The following MPP2 variants were observed in gnomAD, a reference collection of about 807,000 sequenced individuals.
MPP2 encodes MAGUK p55 subfamily member 2.
Under a neutral mutation model 58.5 loss-of-function variants are expected in MPP2, and 42 were observed. The ratio of observed to expected loss-of-function variants is 0.72; its 90% CI spans 0.56 to 0.93. The LOEUF (loss-of-function observed/expected upper bound fraction) is 0.93. Ranked by LOEUF, MPP2 falls within the 40% of genes least tolerant of loss-of-function variation. The pLI is 0.00. For missense variants in MPP2, 632 were observed against 760.4 expected, an observed-to-expected ratio of 0.83 and a Z score of 1.99; for synonymous variants, 300 against 307.8, an observed-to-expected ratio of 0.97 and a Z score of 0.26.
chr17:43,881,423 A>G, intron 7 of MPP2, 35 bp downstream of exon 7: 1 of 1,613,990 alleles, frequency 6.2e-7, no homozygotes, highest in South Asian at 1.1e-5. Context: ...CCCATGCACC[A>G]TACCTGGAGA....
At chr17:43,907,610 G>A (rs2048344803), upstream of MPP2, 1 of 985,632 alleles carries the variant, frequency 1.0e-6, no homozygotes, top group Non-Finnish European at 1.2e-6. Context: ...GGAGGAGAGG[G>A]GAGGTGAGGA....
At chr17:43,883,950 G>A (rs2047257376) in intron 3 of MPP2, 2 of 574,774 alleles carry the variant, frequency 3.5e-6, no homozygotes, top group Non-Finnish European at 6.1e-6. Flanking sequence ...TCCTTCGCCA[G>A]TGACCAGCCC....
At position 43,879,228 on chromosome 17, in the gene MPP2, A is replaced by C; in HGVS notation, c.1482+47T>G. On this transcript the variant is annotated intron_variant, in intron 12 of 12. Transcript: ENST00000269095. The surrounding 1 kb of genome is among the most constrained non-coding windows in gnomAD (Gnocchi z 4.1). ...TGTCAGCTCAGGCCTGTCCCCCACC[A>C]CCCTAGGCAGCTATCAGACCCCTCC... 1 of 1,572,798 alleles carries C rather than the reference A, an allele frequency of 6.4e-7. No individual in the cohort carries two copies. Among genetic ancestry groups the C allele is most frequent in the Non-Finnish European group, 8.7e-7 (1 of 1,153,968 alleles).
rs1257673002 is a variant in MPP2, at chr17:43,881,229, G to A, written c.919+15C>T. 6.2e-7 allele frequency: 1 copy of A among 1,613,254 alleles called. No homozygotes were observed. Among genetic ancestry groups the A allele is most frequent in the Non-Finnish European group, 8.5e-7 (1 of 1,179,236 alleles). On this transcript the variant is annotated intron_variant, in intron 8 of 12. Transcript: ENST00000269095. ...GATCCCAGATTGGAGGTGTGGGGTAGGGGGGACCTCCTACCTGAGTTTGGT... is the reference window on the plus strand; with the variant it reads ...GATCCCAGATTGGAGGTGTGGGGTAAGGGGGACCTCCTACCTGAGTTTGGT...
intron 1 of MPP2, 194 bp downstream of exon 1, chr17:43,907,280 G>A (rs1039022132): frequency 1.0e-6 from 1 of 985,454 alleles, no homozygotes; most frequent in African/African-American, 1.7e-5. Context: ...GGGCAGCGGG[G>A]CTTGGTTCTC....
chr17:43,877,136 A>C lies in MPP2; in HGVS notation c.*671T>G, dbSNP rs1285656757. ...AATCTGGAGAAACTTCGGCAGTGAG[A>C]AGCTGTGGATGAGGGAAGGACCGAG... is the stretch of plus-strand genomic sequence containing the variant. On this transcript the variant is annotated 3_prime_UTR_variant, in exon 13 of 13. Transcript: ENST00000269095. 6.5e-6 allele frequency: 1 copy of C among 152,892 alleles called. No homozygotes were observed. Among genetic ancestry groups the C allele is most frequent in the African/African-American group, 2.4e-5 (1 of 41,372 alleles). The allele number at this position is 152,892 out of a possible 1,614,324, so 9.5% of individuals were successfully genotyped here.
At chr17:43,890,162 T>C (rs1011869446) in intron 3 of MPP2, among the ~76,000 whole-genome samples, 1 of 152,198 alleles carries the variant, frequency 6.6e-6, no homozygotes, top group Non-Finnish European at 1.5e-5. Flanking sequence ...TATCCATCCC[T>C]GGGGTCTGAT....
chr17:43,885,208 C>T (rs565178898), intron 3 of MPP2, among the ~76,000 whole-genome samples: 1 of 151,996 alleles, frequency 6.6e-6, no homozygotes, highest in Non-Finnish European at 1.5e-5. Flanking sequence ...CATGATATCA[C>T]TATGAATTTT....
chr17:43,904,186 G>A (rs2048202480), intron 2 of MPP2, among the ~76,000 whole-genome samples: 1 of 152,166 alleles, frequency 6.6e-6, no homozygotes, highest in East Asian at 1.9e-4. Flanking sequence ...ACGGAGGTGA[G>A]TTGTGCTCCA....
chr17:43,882,895 G>A lies in MPP2; in HGVS notation c.453+8C>T. Reference sequence around the variant, plus strand: ...CCAGCACCACCTCTGGCCCTGCCCAGTCCTCACCAGATGTTCTCCGGCTGT... The same window carrying A: ...CCAGCACCACCTCTGGCCCTGCCCAATCCTCACCAGATGTTCTCCGGCTGT... On this transcript the variant is annotated splice_region_variant and intron_variant, in intron 5 of 12. Coordinates refer to ENST00000269095, the MANE Select transcript of MPP2 (RefSeq NM_005374.5). 1.2e-6 allele frequency: 2 copies of A among 1,613,930 alleles called. No homozygotes were observed. Among genetic ancestry groups the A allele is most frequent in the Admixed American group, 1.7e-5 (1 of 60,024 alleles).
At chr17:43,901,718 G>A (rs1291540800) in intron 2 of MPP2, among the ~76,000 whole-genome samples, 2 of 152,178 alleles carry the variant, frequency 1.3e-5, no homozygotes, top group Non-Finnish European at 2.9e-5. Flanking sequence ...AGGGGAAGAG[G>A]GAGCAAGGCT....
chr17:43,882,371 G>A lies in MPP2; in HGVS notation c.594C>T (p.Arg198=), dbSNP rs373420807. 214 of 1,612,164 alleles carry A rather than the reference G, an allele frequency of 1.3e-4. No individual in the cohort carries two copies. The highest frequency in any genetic ancestry group is 1.7e-4 in the Non-Finnish European group (205 of 1,179,974). ...VNGQPVGSDP[R]ALQELLRNAS... is the part of the protein sequence containing the mutation. Reference sequence around the variant, plus strand: ...CATTGCGCAGGAGCTCCTGCAGTGCGCGGGGGTCACTGCCCACTGGCTGCC... The same window carrying A: ...CATTGCGCAGGAGCTCCTGCAGTGCACGGGGGTCACTGCCCACTGGCTGCC... The change falls in exon 6 of 13, where the codon CGC becomes CGT. Residue 198 remains arginine (R), a synonymous_variant. Transcript: ENST00000269095.
At chr17:43,881,693 G>A in intron 6 of MPP2, 104 bp from the exon 7 acceptor site, 1 of 1,430,828 alleles carries the variant, frequency 7.0e-7, no homozygotes, top group Non-Finnish European at 9.4e-7. Flanking sequence ...AGGGGCAATG[G>A]AACTGTCCCC....
chr17:43,902,394 T>C (rs1327038696), intron 2 of MPP2, among the ~76,000 whole-genome samples: 1 of 152,154 alleles, frequency 6.6e-6, no homozygotes, highest in East Asian at 1.9e-4. Context: ...TACTGGGCAG[T>C]CCCGGCTGGA....
At chr17:43,888,556 T>C (rs943542844) in intron 3 of MPP2, among the ~76,000 whole-genome samples, 3 of 152,214 alleles carry the variant, frequency 2.0e-5, no homozygotes, top group African/African-American at 7.2e-5. Flanking sequence ...AATCTCACCA[T>C]GGCAACCCTT....
intron 3 of MPP2, among the ~76,000 whole-genome samples, chr17:43,896,513 C>T (rs1211489112): frequency 6.6e-6 from 1 of 152,034 alleles, no homozygotes; most frequent in African/African-American, 2.4e-5. Flanking sequence ...CGAGCCTTCA[C>T]CTCCATTTTC....
intron 2 of MPP2, chr17:43,901,139 G>T: frequency 2.3e-6 from 1 of 435,548 alleles, no homozygotes; most frequent in Non-Finnish European, 3.1e-6. Context: ...GCCCTCCACC[G>T]GGAGGCAGCC....
chr17:43,883,493 C>A, intron 3 of MPP2, 138 bp from the exon 4 acceptor site: 1 of 878,190 alleles, frequency 1.1e-6, no homozygotes, highest in Non-Finnish European at 1.7e-6. Context: ...CACTCACTGA[C>A]AATCATACCC....
intron 3 of MPP2, 107 bp from the exon 4 acceptor site, chr17:43,883,462 C>G (rs1266366393): frequency 7.9e-7 from 1 of 1,270,518 alleles, no homozygotes; most frequent in Non-Finnish European, 1.1e-6. Context: ...TCCCACCCCC[C>G]AGCCCCCAGC....
Sources: allele counts gnomAD v4.1 joint callset (sites outside exome capture counted in the v4.1 genomes callset), GRCh38; gene constraint gnomAD v4.1.1; non-coding constraint Gnocchi (gnomAD v3.1); transcripts MANE v1.5; gene names NCBI Gene and HGNC (gene_info 2026-07-23, HGNC 2026-07-21).